BPIFB1: variants seen among roughly 807,000 people sequenced by gnomAD.
BPIFB1 encodes BPI fold-containing family B member 1.
A neutral mutation model predicts 55.1 loss-of-function variants in BPIFB1; 34 were observed. The ratio of observed to expected loss-of-function variants is 0.62; its 90% CI spans 0.47 to 0.82. BPIFB1 has a LOEUF of 0.82. Among genes scored for constraint, BPIFB1 ranks in the 40% least tolerant of loss-of-function variants. BPIFB1 has a pLI of 0.00. For synonymous variants in BPIFB1, 236 were observed against 245.3 expected, an observed-to-expected ratio of 0.96 and a Z score of 0.35; for missense variants, 532 against 593.1, an observed-to-expected ratio of 0.90 and a Z score of 1.07.
intron 15 of BPIFB1, among the ~76,000 whole-genome samples, chr20:33,308,655 C>T (rs570131584): frequency 7.6e-4 from 112 of 146,608 alleles, no homozygotes; most frequent in African/African-American, 2.4e-3. Flanking sequence ...TACATACACA[C>T]GCACATACAA....
intron 6 of BPIFB1, 29 bp from the exon 7 acceptor site, chr20:33,297,495 TG>T: frequency 6.2e-7 from 1 of 1,613,612 alleles, no homozygotes; most frequent in Non-Finnish European, 8.5e-7. Context: ...GGCCCCTCCC[TG>T]ATGGAGCCCC....
intron 6 of BPIFB1, among the ~76,000 whole-genome samples, chr20:33,295,645 GAAGA>G (rs1357013377): frequency 4.1e-4 from 52 of 125,378 alleles, no homozygotes; most frequent in Admixed American, 1.6e-3. Flanking sequence ...AAAGAGAGAA[GAAGA>G]AAGAAAGAAA....
chr20:33,286,620 A>C (rs1980273396), intron 2 of BPIFB1, among the ~76,000 whole-genome samples: 2 of 152,274 alleles, frequency 1.3e-5, no homozygotes, highest in African/African-American at 4.8e-5. Context: ...GCTCTGGGGC[A>C]CTGGGCCAGT....
chr20:33,290,607 T>C (rs1004606378), intron 4 of BPIFB1, among the ~76,000 whole-genome samples: 4 of 152,094 alleles, frequency 2.6e-5, no homozygotes, highest in African/African-American at 9.7e-5. Flanking sequence ...CCTGCACCAC[T>C]GGCAGGATGG....
rs548433268 is a variant in BPIFB1 at position 33,290,834 on chromosome 20, G to A, written c.366-123G>A. ...TGCTGGGGTGAAGTTGGGTGAAGAT[G>A]AGGAGAAACCAGCAAAGGAGACTGA... On this transcript the variant is annotated intron_variant, in intron 4 of 15. Coordinates refer to ENST00000253354, the MANE Select transcript of BPIFB1 (RefSeq NM_033197.3). 6.5e-6 allele frequency: 7 copies of A among 1,078,238 alleles called. No homozygotes were observed. The East Asian group carries it at 1.8e-4, about 28-fold the overall frequency. 66.8% of individuals were successfully genotyped at this position (1,078,238 alleles called of 1,614,324 possible). A position where few individuals can be genotyped will look rare whatever the true frequency, so the allele number is the denominator to read the frequency against.
Position 33,291,957 on chromosome 20 carries a change from T to A in BPIFB1, c.566T>A (p.Val189Glu). ...GCTAAGCAGGTCATGAACCTCCTAG[T>A]GCCATCCCTGCCCAATCTAGTGAAA... ...ALAKQVMNLLVPSLPNLVKNQ... is the reference protein window; with the variant it reads ...ALAKQVMNLLEPSLPNLVKNQ... Residue 189 changes from valine (V) to glutamate (E), a missense_variant, in exon 6 of 16, where the codon GTG becomes GAG. Val to Glu is a moderately radical substitution (Grantham distance 121). Transcript: ENST00000253354. 1 of 1,614,234 alleles carries A rather than the reference T, an allele frequency of 6.2e-7. No homozygotes were observed. The highest frequency in any genetic ancestry group is 1.6e-4 in the Middle Eastern group (1 of 6,062).
At chr20:33,297,789 C>T in intron 7 of BPIFB1, 1 of 616,008 alleles carries the variant, frequency 1.6e-6, no homozygotes, top group Non-Finnish European at 2.9e-6. Context: ...TGAGCTCTTA[C>T]TATTTGTGCA....
intron 9 of BPIFB1, 32 bp downstream of exon 9, chr20:33,301,444 C>G: frequency 2.5e-6 from 4 of 1,588,790 alleles, no homozygotes; most frequent in Non-Finnish European, 2.6e-6. Context: ...AGAATAGGGC[C>G]GCCCAGGCCA....
chr20:33,283,523 G>C (rs6057812), intron 1 of BPIFB1, among the ~76,000 whole-genome samples: 1 of 152,326 alleles, frequency 6.6e-6, no homozygotes, highest in African/African-American at 2.4e-5. Context: ...GCACATACCA[G>C]TTGCTCTGTC....
intron 2 of BPIFB1, among the ~76,000 whole-genome samples, chr20:33,286,451 A>G (rs3827028): frequency 0.42 from 63,338 of 152,200 alleles, 16,587 homozygotes; most frequent in African/African-American, 0.75. Context: ...CAGCCACTGC[A>G]TGCAGTGATG....
rs186243215 is a variant in BPIFB1, at chr20:33,301,585, C to T, written c.927+173C>T. On this transcript the variant is annotated intron_variant, in intron 9 of 15. Transcript: ENST00000253354. Reference sequence around the variant, plus strand: ...CATAGCTCTAAACCTAAAATCCTCCCGGTAACATCCAGCCCCAGTCATGGT... The same window carrying T: ...CATAGCTCTAAACCTAAAATCCTCCTGGTAACATCCAGCCCCAGTCATGGT... Among the ~76,000 whole-genome samples, 11 of 152,342 alleles carry T rather than the reference C, an allele frequency of 7.2e-5. No homozygotes were observed. In the East Asian group the frequency reaches 7.7e-4, roughly 11 times the overall value.
intron 10 of BPIFB1, 83 bp from the exon 11 acceptor site, chr20:33,302,833 C>T: frequency 6.6e-7 from 1 of 1,512,892 alleles, no homozygotes; most frequent in South Asian, 1.2e-5. Flanking sequence ...CCCAGGAAGG[C>T]AGGCAGGGGC....
At position 33,299,756 on chromosome 20, in the gene BPIFB1, A is replaced by G. The variant is rs1337437845; in HGVS notation, c.662-143A>G. On this transcript the variant is annotated intron_variant, in intron 7 of 15. Coordinates refer to ENST00000253354, the MANE Select transcript of BPIFB1 (RefSeq NM_033197.3). ...TGTCACTGTCATCACTGTTTGCATC[A>G]TTATTATCAACATCATTATTACCTG... 5 of 669,716 alleles carry G rather than the reference A, an allele frequency of 7.5e-6. No individual in the cohort carries two copies. In the African/African-American group the frequency reaches 8.8e-5, roughly 12 times the overall value. 41.5% of individuals were successfully genotyped at this position (669,716 alleles called of 1,614,324 possible).
intron 15 of BPIFB1, 123 bp downstream of exon 15, chr20:33,307,110 C>T (rs1267617636): frequency 2.6e-6 from 2 of 771,276 alleles, no homozygotes; most frequent in African/African-American, 3.4e-5. Context: ...AGTCCCTTCC[C>T]CTCTCAGGGC....
intron 6 of BPIFB1, among the ~76,000 whole-genome samples, chr20:33,295,701 G>A (rs1980624563): frequency 7.5e-6 from 1 of 132,628 alleles, no homozygotes; most frequent in Admixed American, 7.4e-5. Flanking sequence ...AGGGAGAAAA[G>A]GAAGCAAGGA....
intron 5 of BPIFB1, 110 bp from the exon 6 acceptor site, chr20:33,291,797 T>A: frequency 2.1e-6 from 2 of 962,184 alleles, no homozygotes; most frequent in Non-Finnish European, 3.2e-6. Flanking sequence ...TCCTGTGACC[T>A]TGGGCAGGTT....
At position 33,302,999 on chromosome 20, in the gene BPIFB1, CAAGGTGGCCCA is replaced by C. The variant is rs1980903766; in HGVS notation, c.1067_1077del (p.Lys356ThrfsTer11). On this transcript the variant is annotated frameshift_variant, in exon 11 of 16. Coordinates refer to ENST00000253354, the MANE Select transcript of BPIFB1 (RefSeq NM_033197.3). LOFTEE classifies it high-confidence loss of function. ...AGTTTTTTATAGACCAAGGCCATGC[CAAGGTGGCCCA>C]ACTGATCGTGCTGGAAGTGTTTCCC... 2 of 1,614,038 alleles carry C rather than the reference CAAGGTGGCCCA, an allele frequency of 1.2e-6. No individual in the cohort carries two copies. The highest frequency in any genetic ancestry group is 1.7e-6 in the Non-Finnish European group (2 of 1,180,014).
At position 33,309,836 on chromosome 20, in the gene BPIFB1, C is replaced by G; in HGVS notation, c.*69C>G. ...GAGTATGGGTGTGAGCTCTATAGAC[C>G]ATCCCTCTCTGCAATCAATAAACAC... On this transcript the variant is annotated 3_prime_UTR_variant, in exon 16 of 16. Transcript: ENST00000253354. The surrounding 1 kb of genome is among the most constrained non-coding windows in gnomAD (Gnocchi z 4.4). 7.3e-7 allele frequency: 1 copy of G among 1,374,256 alleles called. No homozygotes were observed. Among genetic ancestry groups the G allele is most frequent in the Non-Finnish European group, 1.0e-6 (1 of 965,216 alleles). The allele number at this position is 1,374,256 out of a possible 1,614,324, so 85.1% of individuals were successfully genotyped here. A position where few individuals can be genotyped will look rare whatever the true frequency, so the allele number is the denominator to read the frequency against.
chr20:33,286,858 C>A (rs1468075229), intron 2 of BPIFB1, among the ~76,000 whole-genome samples: 1 of 152,234 alleles, frequency 6.6e-6, no homozygotes, highest in Admixed American at 6.5e-5. Flanking sequence ...CAGACATTGA[C>A]AAATATCTCT....
Sources: gnomAD v4.1 joint callset for allele counts (sites outside exome capture counted in the v4.1 genomes callset) on GRCh38, gnomAD v4.1.1 for gene constraint, Gnocchi (gnomAD v3.1) non-coding constraint, MANE v1.5 for transcripts, NCBI Gene and HGNC (gene_info 2026-07-23, HGNC 2026-07-21) for gene names.